PCDH7: variants seen among roughly 807,000 people sequenced by gnomAD.
PCDH7 encodes protocadherin-7.
In PCDH7, 17 loss-of-function variants were observed where a neutral mutation model predicts 58.9. The ratio of observed to expected loss-of-function variants is 0.29; its 90% CI spans 0.20 to 0.43. The LOEUF (loss-of-function observed/expected upper bound fraction) is 0.43, where lower values mean the gene tolerates loss of function less well. Among genes scored for constraint, PCDH7 ranks in the 20% least tolerant of loss-of-function variants. The pLI, the probability that PCDH7 is intolerant of heterozygous loss-of-function variation, is 1.00. For synonymous variants in PCDH7, 664 were observed against 616.4 expected, an observed-to-expected ratio of 1.08 and a Z score of -1.14; for missense variants, 1,274 against 1,441.0, an observed-to-expected ratio of 0.88 and a Z score of 1.88.
intron 3 of PCDH7, among the ~76,000 whole-genome samples, chr4:31,022,972 A>G (rs1433841088): frequency 5.9e-5 from 9 of 152,238 alleles, no homozygotes; most frequent in Non-Finnish European, 1.3e-4. Flanking sequence ...AATGGAAGTA[A>G]CATAATCAGG....
intron 3 of PCDH7, among the ~76,000 whole-genome samples, chr4:31,071,822 A>C (rs1003555204): frequency 6.6e-6 from 1 of 152,056 alleles, no homozygotes; most frequent in African/African-American, 2.4e-5. Flanking sequence ...CTTTTCCTGC[A>C]GTGTTAAGGA....
At chr4:31,092,674 C>T (rs1207870346) in intron 3 of PCDH7, among the ~76,000 whole-genome samples, 1 of 151,996 alleles carries the variant, frequency 6.6e-6, no homozygotes, top group African/African-American at 2.4e-5. Context: ...AATTTAAGAG[C>T]CTCTAATTAT....
intron 3 of PCDH7, among the ~76,000 whole-genome samples, chr4:30,980,938 G>C (rs772550500): frequency 5.9e-5 from 9 of 152,116 alleles, no homozygotes; most frequent in South Asian, 2.1e-4. Flanking sequence ...TGCCTCCTGG[G>C]TTCAAGTGAT....
At chr4:31,063,009 ATATAG>A (rs1757806548) in intron 3 of PCDH7, among the ~76,000 whole-genome samples, 1 of 151,870 alleles carries the variant, frequency 6.6e-6, no homozygotes, top group Non-Finnish European at 1.5e-5. Flanking sequence ...TATGTGTATA[ATATAG>A]TATATGTGCT....
intron 3 of PCDH7, among the ~76,000 whole-genome samples, chr4:31,031,440 G>T (rs56372203): frequency 6.6e-6 from 1 of 152,230 alleles, no homozygotes; most frequent in East Asian, 1.9e-4. Context: ...CAAAAGCAAG[G>T]CTTATGTCCT....
At chr4:30,906,527 A>G (rs529371342) in intron 1 of PCDH7, among the ~76,000 whole-genome samples, 2 of 152,300 alleles carry the variant, frequency 1.3e-5, no homozygotes, top group African/African-American at 4.8e-5. Flanking sequence ...TATAATGGAT[A>G]AATGCTGCCT....
chr4:30,877,578 G>A (rs556151133), intron 1 of PCDH7, among the ~76,000 whole-genome samples: 118 of 152,294 alleles, frequency 7.7e-4, no homozygotes, highest in Non-Finnish European at 7.4e-4. Context: ...GTCTCCTTCC[G>A]ACTGGCTCTC....
At chr4:30,765,125 CTTTTTTT>C (rs10692198) in intron 1 of PCDH7, among the ~76,000 whole-genome samples, 51 of 49,194 alleles carry the variant, frequency 1.0e-3, no homozygotes, top group African/African-American at 2.3e-3. Context: ...ACTTCAGATG[CTTTTTTT>C]TTTTTTTTTT....
chr4:30,833,884 T>G (rs1429363386), intron 1 of PCDH7, among the ~76,000 whole-genome samples: 9 of 152,124 alleles, frequency 5.9e-5, no homozygotes, highest in African/African-American at 2.2e-4. Context: ...TTCTGAACAC[T>G]TTGTATGAAG....
At chr4:31,101,729 G>A (rs188029268) in intron 3 of PCDH7, among the ~76,000 whole-genome samples, 1 of 152,122 alleles carries the variant, frequency 6.6e-6, no homozygotes, top group Admixed American at 6.5e-5. Flanking sequence ...CAACTGAAAT[G>A]TTTCAAAACC....
At chr4:30,724,319 G>A in exon 1 of PCDH7, 1 of 1,614,098 alleles carries the variant, frequency 6.2e-7, no homozygotes, top group South Asian at 1.1e-5. Context: ...AGGTATGATA[G>A]TGTCAATGAG....
At chr4:31,011,054 T>G (rs533241844) in intron 3 of PCDH7, among the ~76,000 whole-genome samples, 8 of 152,024 alleles carry the variant, frequency 5.3e-5, no homozygotes, top group African/African-American at 1.9e-4. Context: ...AGCCCATCAT[T>G]TTTCTGTGGG....
chr4:31,072,697 C>T (rs578077061), intron 3 of PCDH7, among the ~76,000 whole-genome samples: 2 of 152,206 alleles, frequency 1.3e-5, no homozygotes, highest in African/African-American at 4.8e-5. Flanking sequence ...ACATTACTCA[C>T]ATCACATTAT....
chr4:30,917,347 C>A (rs73812676), intron 1 of PCDH7, among the ~76,000 whole-genome samples: 2,142 of 152,006 alleles, frequency 0.014, 44 homozygotes, highest in African/African-American at 0.049. Context: ...TACTTGGCCA[C>A]AAAAAATTTA....
chr4:31,051,101 A>G (rs1344938147), intron 3 of PCDH7, among the ~76,000 whole-genome samples: 2 of 152,132 alleles, frequency 1.3e-5, no homozygotes, highest in Admixed American at 6.6e-5. Flanking sequence ...TGGTAATTCC[A>G]ATTCTTTCTT....
intron 1 of PCDH7, among the ~76,000 whole-genome samples, chr4:30,783,747 A>G (rs1723074711): frequency 1.3e-5 from 2 of 152,110 alleles, no homozygotes; most frequent in Admixed American, 1.3e-4. Flanking sequence ...CTAGTTACCT[A>G]TTGTTGGCCA....
chr4:31,073,693 T>C (rs947827403), intron 3 of PCDH7, among the ~76,000 whole-genome samples: 1 of 152,208 alleles, frequency 6.6e-6, no homozygotes, highest in East Asian at 1.9e-4. Flanking sequence ...TAATCAATGA[T>C]GTATAATCAT....
chr4:31,012,561 A>G (rs1014271193), intron 3 of PCDH7, among the ~76,000 whole-genome samples: 2 of 150,752 alleles, frequency 1.3e-5, no homozygotes, highest in Middle Eastern at 3.4e-3. Context: ...TATTTGGTAA[A>G]TGTATTTGAT....
chr4:31,142,322 C>T, intron 3 of PCDH7, 151 bp from the exon 3 acceptor site: 1 of 660,622 alleles, frequency 1.5e-6, no homozygotes, highest in Non-Finnish European at 2.2e-6. Flanking sequence ...GGATTAAAAA[C>T]TGTCCTATGG....
Sources: gnomAD v4.1 joint callset for allele counts (sites outside exome capture counted in the v4.1 genomes callset) on GRCh38, gnomAD v4.1.1 for gene constraint, MANE v1.5 for transcripts, NCBI Gene and HGNC (gene_info 2026-07-23, HGNC 2026-07-21) for gene names.